The following SLIT1 variants were observed in gnomAD, a reference collection of about 807,000 sequenced individuals.
SLIT1 encodes slit homolog 1 protein.
SLIT1 carries 66 observed loss-of-function variants against 186.1 expected under a neutral mutation model. The observed-to-expected ratio is 0.35, with a 90% CI of 0.29 to 0.44. SLIT1 has a LOEUF of 0.44. Among genes scored for constraint, SLIT1 ranks in the 20% least tolerant of loss-of-function variants. The pLI is 1.00. For missense variants in SLIT1, 1,638 were observed against 2,037.4 expected, an observed-to-expected ratio of 0.80 and a Z score of 3.77; for synonymous variants, 761 against 833.8, an observed-to-expected ratio of 0.91 and a Z score of 1.50.
At chr10:97,154,327 C>A (rs1376432888) in intron 4 of SLIT1, 1 of 152,226 alleles carries the variant, frequency 6.6e-6, no homozygotes, top group Non-Finnish European at 1.5e-5. Context: ...CCACCAAATG[C>A]CTTGGCCTCA....
At chr10:97,179,419 C>T (rs1023196578) in intron 1 of SLIT1, among the ~76,000 whole-genome samples, 2 of 152,086 alleles carry the variant, frequency 1.3e-5, no homozygotes, top group Non-Finnish European at 2.9e-5. Context: ...ATAGTGAGAT[C>T]CCGTCTCAAA....
chr10:97,156,632 C>T (rs1234705445), intron 4 of SLIT1, among the ~76,000 whole-genome samples: 3 of 152,138 alleles, frequency 2.0e-5, no homozygotes, highest in Non-Finnish European at 2.9e-5. Flanking sequence ...CTGGAGATCA[C>T]TGGGCTTACA....
intron 25 of SLIT1, among the ~76,000 whole-genome samples, chr10:97,026,136 A>G (rs1046265631): frequency 1.3e-5 from 2 of 152,214 alleles, no homozygotes; most frequent in African/African-American, 2.4e-5. Flanking sequence ...CAGAGTGTAC[A>G]GTCTACTTTA....
chr10:97,021,594 G>A lies in SLIT1; in HGVS notation c.2583-181C>T, dbSNP rs1417076457. ...TTTTCTTTTTTTGAGATGGAGTGTC[G>A]CTCTGTCGCCCAGGCTGGAGTGCAG... is the stretch of plus-strand genomic sequence containing the variant. On this transcript the variant is annotated intron_variant, in intron 25 of 36. Transcript: ENST00000266058. This position sits in a 1 kb window ranked among gnomAD's most constrained non-coding sequence, Gnocchi z 4.5. 3.3e-5 allele frequency among the ~76,000 whole-genome samples: 5 copies of A among 149,580 alleles called. No homozygotes were observed. Among genetic ancestry groups the A allele is most frequent in the Admixed American group, 6.7e-5 (1 of 14,970 alleles).
At chr10:97,049,251 G>C in intron 13 of SLIT1, 133 bp from the exon 14 acceptor site, 1 of 1,046,492 alleles carries the variant, frequency 9.6e-7, no homozygotes, top group Non-Finnish European at 1.4e-6. Flanking sequence ...TCAGCCACGG[G>C]GGGAAAGAGA....
intron 4 of SLIT1, among the ~76,000 whole-genome samples, chr10:97,131,300 A>G (rs1038122459): frequency 2.6e-5 from 4 of 152,246 alleles, no homozygotes; most frequent in Admixed American, 2.6e-4. Flanking sequence ...ACTGTCATCA[A>G]AAACAGGCCC....
At chr10:97,064,916 G>A (rs1469453729) in intron 5 of SLIT1, 40 bp from the exon 6 acceptor site, 2 of 1,541,098 alleles carry the variant, frequency 1.3e-6, no homozygotes. Context: ...AGGGCACATT[G>A]CCTAGAGTAA....
chr10:97,067,015 A>G (rs146022199), intron 4 of SLIT1, among the ~76,000 whole-genome samples: 20 of 152,286 alleles, frequency 1.3e-4, no homozygotes, highest in Admixed American at 2.6e-4. Context: ...TGACTCAGGA[A>G]GGACAGAATT....
chr10:97,169,289 G>A (rs948334344), intron 1 of SLIT1, among the ~76,000 whole-genome samples: 27 of 152,284 alleles, frequency 1.8e-4, no homozygotes, highest in African/African-American at 5.3e-4. Flanking sequence ...AGCCCAGCCC[G>A]CAGCCTGTGA....
At chr10:97,046,434 C>G (rs1302158265) in intron 18 of SLIT1, among the ~76,000 whole-genome samples, 1 of 152,252 alleles carries the variant, frequency 6.6e-6, no homozygotes, top group African/African-American at 2.4e-5. Flanking sequence ...TTGAGGCCAA[C>G]TGGGCATTGG....
At chr10:97,047,910 C>T in intron 15 of SLIT1, 63 bp downstream of exon 15, 1 of 1,613,484 alleles carries the variant, frequency 6.2e-7, no homozygotes, top group Non-Finnish European at 8.5e-7. Flanking sequence ...CCAAGGCCCC[C>T]AGCCTGCCCA....
chr10:97,047,823 A>T lies in SLIT1; in HGVS notation c.1501T>A (p.Tyr501Asn). 1 of 1,613,930 alleles carries T rather than the reference A, an allele frequency of 6.2e-7. No individual in the cohort carries two copies. The highest frequency in any genetic ancestry group is 1.7e-5 in the Admixed American group (1 of 60,028). Residue 501 changes from tyrosine (Y) to asparagine (N), a missense_variant, in exon 16 of 37, where the codon TAC becomes AAC. Physicochemically the swap from Tyr to Asn is moderately radical, Grantham distance 143. This residue lies in a region of SLIT1 where 1,245 missense variants were observed against 1,535.3 expected (regional missense o/e 0.81). Transcript: ENST00000266058. ...EQYFIPGTED[Y>N]QLNSECNSDV... ...CTGTTGCACTCGCTGTTCAGCTGGT[A>T]ATCCTCCGTGCCTGCCATGAGAGGG...
chr10:97,021,532 G>A lies in SLIT1; in HGVS notation c.2583-119C>T, dbSNP rs1214171416. On this transcript the variant is annotated intron_variant, in intron 25 of 36. Transcript: ENST00000266058. This position sits in a 1 kb window ranked among gnomAD's most constrained non-coding sequence, Gnocchi z 4.5. ...GCAAAAATCTTAGCCTCCATTTCATGAGCATTTACTGTATAGTCAGTGCTG... is the reference window on the plus strand; with the variant it reads ...GCAAAAATCTTAGCCTCCATTTCATAAGCATTTACTGTATAGTCAGTGCTG... 1.2e-6 allele frequency: 1 copy of A among 828,572 alleles called. No homozygotes were observed. The highest frequency in any genetic ancestry group is 2.8e-5 in the East Asian group (1 of 36,292). 51.3% of individuals were successfully genotyped at this position (828,572 alleles called of 1,614,324 possible).
At chr10:97,107,236 C>T (rs763722363) in intron 4 of SLIT1, among the ~76,000 whole-genome samples, 7 of 152,238 alleles carry the variant, frequency 4.6e-5, no homozygotes, top group Admixed American at 6.5e-5. Context: ...CCTGAGCTGG[C>T]TCATGTGCTG....
intron 1 of SLIT1, among the ~76,000 whole-genome samples, chr10:97,182,329 A>G (rs1201495580): frequency 6.6e-6 from 1 of 152,226 alleles, no homozygotes; most frequent in Non-Finnish European, 1.5e-5. Context: ...AAACTGCCCA[A>G]AGGACAAAAG....
intron 25 of SLIT1, among the ~76,000 whole-genome samples, chr10:97,026,124 A>C (rs1848543118): frequency 6.6e-6 from 1 of 152,242 alleles, no homozygotes; most frequent in South Asian, 2.1e-4. Flanking sequence ...ATGTTTGTAC[A>C]TCAGAGTGTA....
At chr10:97,069,284 G>A (rs1258594791) in intron 4 of SLIT1, among the ~76,000 whole-genome samples, 1 of 152,204 alleles carries the variant, frequency 6.6e-6, no homozygotes, top group African/African-American at 2.4e-5. Context: ...AACTCACCTT[G>A]ATGGAGTGCC....
chr10:97,017,277 G>A (rs1382489629), intron 28 of SLIT1, among the ~76,000 whole-genome samples: 2 of 152,188 alleles, frequency 1.3e-5, no homozygotes, highest in African/African-American at 4.8e-5. Flanking sequence ...AGGCAACCAG[G>A]GGAAGAGAGG....
chr10:97,166,615 G>GAGAAAAGA (rs1181177835), intron 1 of SLIT1, among the ~76,000 whole-genome samples: 2 of 50,344 alleles, frequency 4.0e-5, no homozygotes, highest in Non-Finnish European at 7.8e-5. Flanking sequence ...AAGAAAGAAA[G>GAGAAAAGA]AAAGAAAGAG....
Sources: allele counts gnomAD v4.1 joint callset (sites outside exome capture counted in the v4.1 genomes callset), GRCh38; gene constraint gnomAD v4.1.1; regional missense constraint gnomAD v4.1.1; non-coding constraint Gnocchi (gnomAD v3.1); transcripts MANE v1.5; gene names NCBI Gene and HGNC (gene_info 2026-07-23, HGNC 2026-07-21).